OOSP1: variants seen among roughly 807,000 people sequenced by gnomAD.
The protein encoded by OOSP1 is oocyte secreted protein 1.
A neutral mutation model predicts 5.7 loss-of-function variants in OOSP1; 11 were observed. The ratio of observed to expected loss-of-function variants is 1.94; its 90% confidence interval spans 1.22 to 3.20. The LOEUF (loss-of-function observed/expected upper bound fraction) is 3.20. Ranked by LOEUF, OOSP1 falls within the 30% of genes most tolerant of loss-of-function variation. The pLI is 0.00. For missense variants in OOSP1, 83 were observed against 54.1 expected (o/e 1.53, Z -1.67); for synonymous variants, 44 against 20.0 (o/e 2.20, Z -3.20).
At chr11:59,949,436 C>G (rs76823312) in intron 4 of OOSP1, among the ~76,000 whole-genome samples, 1 of 151,436 alleles carries the variant, frequency 6.6e-6, no homozygotes, top group Non-Finnish European at 1.5e-5. Context: ...AAATGAGCCC[C>G]GCAGATCCTG....
intron 1 of OOSP1, among the ~76,000 whole-genome samples, chr11:59,939,284 C>T (rs1030010298): frequency 6.0e-5 from 9 of 149,474 alleles, no homozygotes; most frequent in African/African-American, 2.0e-4. Context: ...ACAAGAGTCT[C>T]GCTGTCACCG....
At chr11:59,942,339 G>C (rs1834372548) in intron 1 of OOSP1, among the ~76,000 whole-genome samples, 1 of 152,080 alleles carries the variant, frequency 6.6e-6, no homozygotes, top group African/African-American at 2.4e-5. Context: ...GGATAGCACT[G>C]TTTTTACTCA....
intron 4 of OOSP1, among the ~76,000 whole-genome samples, chr11:59,954,494 G>A (rs1853973533): frequency 6.6e-6 from 1 of 152,020 alleles, no homozygotes; most frequent in Non-Finnish European, 1.5e-5. Flanking sequence ...TGAATATGTT[G>A]ACAGTTCTGC....
chr11:59,946,204 T>A (rs1213359123), intron 3 of OOSP1, among the ~76,000 whole-genome samples: 1 of 152,148 alleles, frequency 6.6e-6, no homozygotes, highest in Non-Finnish European at 1.5e-5. Context: ...ACGAACCCTA[T>A]TGTGAACTTC....
In OOSP1 at chr11:59,943,010, C is replaced by CT. The variant is rs1853847082; in HGVS notation, c.241dup (p.Cys81LeufsTer15). The CT allele has an allele frequency of 4.3e-6, 3 of 702,832 alleles. No individual in the cohort carries two copies. The highest frequency in any genetic ancestry group is 7.8e-6 in the Non-Finnish European group (3 of 384,894). 43.5% of individuals were successfully genotyped at this position (702,832 alleles called of 1,614,324 possible). Reference sequence around the variant, plus strand: ...ATGAGTTTTTCTACCATCCTCATGACTGTGGTATTGTAACTCAAGTAAGAA... The same window carrying CT: ...ATGAGTTTTTCTACCATCCTCATGACTTGTGGTATTGTAACTCAAGTAAGAA... On this transcript the variant is annotated frameshift_variant, in exon 2 of 5. Transcript: ENST00000646685. LOFTEE classifies it high-confidence loss of function.
chr11:59,946,952 T>TATC (rs1408707792), intron 3 of OOSP1, among the ~76,000 whole-genome samples: 1 of 151,384 alleles, frequency 6.6e-6, no homozygotes, highest in Non-Finnish European at 1.5e-5. Context: ...TCTATCTATC[T>TATC]ATCTATCTAT....
At chr11:59,953,281 C>A (rs1368439815) in intron 4 of OOSP1, among the ~76,000 whole-genome samples, 1 of 152,090 alleles carries the variant, frequency 6.6e-6, no homozygotes, top group Non-Finnish European at 1.5e-5. Flanking sequence ...AACTTTTCCC[C>A]TGTTGGCTTC....
intron 2 of OOSP1, 109 bp downstream of exon 2, chr11:59,943,137 G>A (rs878955456): frequency 4.7e-6 from 2 of 429,854 alleles, no homozygotes; most frequent in Non-Finnish European, 8.5e-6. Context: ...GTGAGAACAT[G>A]TGGTGTTTGG....
intron 4 of OOSP1, among the ~76,000 whole-genome samples, chr11:59,956,948 C>T (rs909457675): frequency 6.6e-6 from 1 of 152,010 alleles, no homozygotes; most frequent in African/African-American, 2.4e-5. Context: ...TTTATCCACT[C>T]GTTGATTGAT....
intron 3 of OOSP1, among the ~76,000 whole-genome samples, chr11:59,945,896 A>G (rs1590891864): frequency 6.6e-6 from 1 of 152,000 alleles, no homozygotes; most frequent in African/African-American, 2.4e-5. Context: ...AAGGCAACGG[A>G]AGGCAACAGA....
rs36043574 is a variant in OOSP1 at position 59,951,243 on chromosome 11, TA to T, written c.486+3393del. ...CCTCCACAATAACAGATCCTAAAAT[TA>T]AAAAAAAAAAACATGGCATGAAATT... is the stretch of plus-strand genomic sequence containing the variant. On this transcript the variant is annotated intron_variant, in intron 4 of 4. Transcript: ENST00000646685. Among the ~76,000 whole-genome samples, 1,274 of 142,410 alleles carry T rather than the reference TA, an allele frequency of 8.9e-3. 16 individuals carry two copies. Among genetic ancestry groups the T allele is most frequent in the African/African-American group, 0.026 (1,035 of 39,062 alleles). The allele number at this position is 142,410 out of a possible 152,430, so 93.4% of individuals were successfully genotyped here. A position where few individuals can be genotyped will look rare whatever the true frequency, so the allele number is the denominator to read the frequency against.
rs1853794257 is a variant in OOSP1, at chr11:59,938,539, T to G, written c.76+9T>G. On this transcript the variant is annotated intron_variant, in intron 1 of 4. Coordinates refer to ENST00000646685, the Ensembl canonical transcript of OOSP1. The stretch of plus-strand genomic sequence containing the variant: ...CGCTGGGGACTGGTCAGGTATAACT[T>G]ATCACTTGGGGAATAGAAGTTTCTT... The G allele has an allele frequency of 1.9e-6, 1 of 527,774 alleles. No individual in the cohort carries two copies. Among genetic ancestry groups the G allele is most frequent in the Non-Finnish European group, 3.4e-6 (1 of 293,468 alleles). The allele number at this position is 527,774 out of a possible 1,614,324, so 32.7% of individuals were successfully genotyped here. A position where few individuals can be genotyped will look rare whatever the true frequency, so the allele number is the denominator to read the frequency against.
At chr11:59,946,090 G>T (rs1162566805) in intron 3 of OOSP1, among the ~76,000 whole-genome samples, 1 of 152,150 alleles carries the variant, frequency 6.6e-6, no homozygotes, top group African/African-American at 2.4e-5. Flanking sequence ...TCCCTTGCCT[G>T]TCAGGAACCT....
At chr11:59,947,583 G>A in intron 3 of OOSP1, 150 bp from the exon 4 acceptor site, 1 of 391,028 alleles carries the variant, frequency 2.6e-6, no homozygotes, top group Middle Eastern at 6.5e-4. Flanking sequence ...GATGTTCTGG[G>A]GTGGGGTGTG....
At chr11:59,943,142 G>A in intron 2 of OOSP1, 114 bp downstream of exon 2, 1 of 392,802 alleles carries the variant, frequency 2.5e-6, no homozygotes, top group South Asian at 3.5e-5. Context: ...AACATGTGGT[G>A]TTTGGTTTTT....
intron 4 of OOSP1, among the ~76,000 whole-genome samples, chr11:59,949,672 A>T (rs968461681): frequency 8.5e-5 from 13 of 152,108 alleles, no homozygotes; most frequent in African/African-American, 3.1e-4. Context: ...GTTGATTGAC[A>T]CACTTGGCTT....
intron 4 of OOSP1, among the ~76,000 whole-genome samples, chr11:59,954,234 A>G (rs951860509): frequency 2.0e-5 from 3 of 152,208 alleles, no homozygotes; most frequent in Non-Finnish European, 4.4e-5. Context: ...CCAAAATATC[A>G]TTGTGCAATG....
At chr11:59,953,097 G>T (rs190365486) in intron 4 of OOSP1, among the ~76,000 whole-genome samples, 55 of 152,150 alleles carry the variant, frequency 3.6e-4, no homozygotes, top group African/African-American at 1.3e-3. Flanking sequence ...ATTTCCTCCA[G>T]TGAGTTTGAT....
At position 59,946,369 on chromosome 11, in the gene OOSP1, C is replaced by T. The variant is rs144108490; in HGVS notation, c.356+1103C>T. Among the ~76,000 whole-genome samples, 897 of 152,256 alleles carry T rather than the reference C, an allele frequency of 5.9e-3. 11 individuals carry two copies. Among genetic ancestry groups the T allele is most frequent in the African/African-American group, 0.019 (772 of 41,534 alleles). On this transcript the variant is annotated intron_variant, in intron 3 of 4. Coordinates refer to ENST00000646685, the Ensembl canonical transcript of OOSP1. The stretch of plus-strand genomic sequence containing the variant: ...TGGTGCCAAAACGTTTGGGGACTGC[C>T]GTGCTAAACCATTCGTGAAGGGTCC...
Sources: allele counts gnomAD v4.1 joint callset (sites outside exome capture counted in the v4.1 genomes callset), GRCh38; gene constraint gnomAD v4.1.1; transcripts MANE v1.5; gene names NCBI Gene and HGNC (gene_info 2026-07-23, HGNC 2026-07-21).